Variants in PPIP5K2 observed in about 807,000 individuals in gnomAD.
The protein encoded by PPIP5K2 is inositol hexakisphosphate and diphosphoinositol-pentakisphosphate kinase 2.
PPIP5K2 carries 105 observed loss-of-function variants against 154.6 expected under a neutral mutation model. That is an observed-to-expected ratio of 0.68 (90% CI 0.58 to 0.80). The LOEUF (loss-of-function observed/expected upper bound fraction) is 0.80, where lower values mean the gene tolerates loss of function less well. Among genes scored for constraint, PPIP5K2 ranks in the 30% least tolerant of loss-of-function variants. The pLI is 0.00. For missense variants in PPIP5K2, 992 were observed against 1,504.6 expected (o/e 0.66, Z 5.64); for synonymous variants, 480 against 490.3 (o/e 0.98, Z 0.28).
intron 19 of PPIP5K2, among the ~76,000 whole-genome samples, chr5:103,172,059 A>G (rs1297869551): frequency 6.6e-6 from 1 of 151,656 alleles, no homozygotes; most frequent in African/African-American, 2.4e-5. Flanking sequence ...ATCTTTAATC[A>G]GTTTTTACCC....
chr5:103,192,448 T>C (rs1554227212), intron 29 of PPIP5K2, among the ~76,000 whole-genome samples: 1 of 152,058 alleles, frequency 6.6e-6, no homozygotes, highest in Non-Finnish European at 1.5e-5. Context: ...TGATGTTTCA[T>C]TGCTTCCCTG....
intron 26 of PPIP5K2, 55 bp from the exon 27 acceptor site, chr5:103,186,265 C>A: frequency 3.7e-6 from 6 of 1,608,290 alleles, no homozygotes; most frequent in South Asian, 1.1e-5. Flanking sequence ...GCATGAATTC[C>A]CAATGTGAAT....
At chr5:103,195,162 T>C (rs1801883387) in intron 30 of PPIP5K2, 137 bp downstream of exon 30, 1 of 1,088,164 alleles carries the variant, frequency 9.2e-7, no homozygotes, top group African/African-American at 1.6e-5. Context: ...GGGTTAAAAA[T>C]CGATTATTGT....
intron 7 of PPIP5K2, 36 bp from the exon 8 acceptor site, chr5:103,149,116 A>C: frequency 6.7e-7 from 1 of 1,495,416 alleles, no homozygotes; most frequent in Non-Finnish European, 9.1e-7. Flanking sequence ...ACACATACAT[A>C]TATATATTTA....
intron 3 of PPIP5K2, 34 bp from the exon 4 acceptor site, chr5:103,136,698 T>A: frequency 6.6e-7 from 1 of 1,517,232 alleles, no homozygotes; most frequent in Non-Finnish European, 9.2e-7. Flanking sequence ...TATCTTGAGA[T>A]AATACAGAAT....
In PPIP5K2 at chr5:103,129,292, T is replaced by G. The variant is rs1554201679; in HGVS notation, c.-284-14T>G. On this transcript the variant is annotated splice_polypyrimidine_tract_variant and intron_variant, in intron 1 of 30. Coordinates refer to ENST00000358359, the MANE Select transcript of PPIP5K2 (RefSeq NM_001276277.3). ...AGTGCACTCTCCAAAATTAGTTTTT[T>G]CATTGCATTTTAGGTAAGAAGATTG... 1 of 176,596 alleles carries G rather than the reference T, an allele frequency of 5.7e-6. No individual in the cohort carries two copies. Among genetic ancestry groups the G allele is most frequent in the Non-Finnish European group, 1.2e-5 (1 of 84,268 alleles). 10.9% of individuals were successfully genotyped at this position (176,596 alleles called of 1,614,324 possible). A position where few individuals can be genotyped will look rare whatever the true frequency, so the allele number is the denominator to read the frequency against.
Position 103,201,846 on chromosome 5 carries a change from C to T in PPIP5K2, c.*212C>T, listed in dbSNP as rs563564129. The T allele has an allele frequency of 5.4e-5, 26 of 485,018 alleles. No individual in the cohort carries two copies. Among genetic ancestry groups the T allele is most frequent in the African/African-American group, 1.4e-4 (7 of 49,744 alleles). 30.0% of individuals were successfully genotyped at this position (485,018 alleles called of 1,614,324 possible). A position where few individuals can be genotyped will look rare whatever the true frequency, so the allele number is the denominator to read the frequency against. ...CAGCAAAACTTATAGTGATAAAAAT[C>T]GATTGTTGTTAATATGATGTTTACC... On this transcript the variant is annotated 3_prime_UTR_variant, in exon 31 of 31. Transcript: ENST00000358359.
At chr5:103,125,130 A>T (rs1229843111) in intron 1 of PPIP5K2, among the ~76,000 whole-genome samples, 1 of 152,194 alleles carries the variant, frequency 6.6e-6, no homozygotes, top group African/African-American at 2.4e-5. Flanking sequence ...TTCCTATAGT[A>T]CTTGTTTTCA....
chr5:103,150,258 G>A (rs1421801344), intron 8 of PPIP5K2, among the ~76,000 whole-genome samples: 1 of 152,138 alleles, frequency 6.6e-6, no homozygotes, highest in African/African-American at 2.4e-5. Flanking sequence ...CTGTAAATAA[G>A]TTTTAATAGC....
At position 103,209,905 on chromosome 5, in the gene PPIP5K2, T is replaced by C. The variant is rs956918698; in HGVS notation, c.*8271T>C. 2.6e-5 allele frequency: 4 copies of C among 152,118 alleles called. No individual in the cohort carries two copies. Among genetic ancestry groups the C allele is most frequent in the Admixed American group, 1.3e-4 (2 of 15,254 alleles). The allele number at this position is 152,118 out of a possible 1,614,324, so 9.4% of individuals were successfully genotyped here. On this transcript the variant is annotated 3_prime_UTR_variant, in exon 31 of 31. Transcript: ENST00000358359. ...TTGGAAGTCATATCATTACGACTTT[T>C]TTTTCATGCCACATAGATATGCTGA...
chr5:103,120,928 C>A (rs1788572866), intron 1 of PPIP5K2: 1 of 159,034 alleles, frequency 6.3e-6, no homozygotes, highest in African/African-American at 2.4e-5. Flanking sequence ...ATAACAAAAG[C>A]CTCATGTGTT....
chr5:103,170,405 A>G (rs1797798673), intron 19 of PPIP5K2, among the ~76,000 whole-genome samples: 1 of 151,556 alleles, frequency 6.6e-6, no homozygotes, highest in African/African-American at 2.4e-5. Flanking sequence ...CTGAGAATTT[A>G]TTTGAAGACA....
At chr5:103,176,355 T>G (rs1176969105) in intron 21 of PPIP5K2, among the ~76,000 whole-genome samples, 1 of 152,004 alleles carries the variant, frequency 6.6e-6, no homozygotes, top group Non-Finnish European at 1.5e-5. Flanking sequence ...TTTAAACTCA[T>G]CATTTGTGCT....
chr5:103,201,429 G>GA (rs1220372137), intron 30 of PPIP5K2, 93 bp from the exon 31 acceptor site: 1 of 697,824 alleles, frequency 1.4e-6, no homozygotes, highest in African/African-American at 1.9e-5. Context: ...ATTATAACAA[G>GA]AATTGTTTTG....
rs1459771737 is a variant in PPIP5K2, at chr5:103,205,041, T to TC, written c.*3411dup. The TC allele has an allele frequency of 4.6e-5, 7 of 152,102 alleles. No homozygotes were observed. In the East Asian group the frequency reaches 1.4e-3, roughly 29 times the overall value. The allele number at this position is 152,102 out of a possible 1,614,324, so 9.4% of individuals were successfully genotyped here. The stretch of plus-strand genomic sequence containing the variant: ...CACTGACAGGCCCAGTGTGTGATGT[T>TC]CCCCGCCCTGTGTCCAAGTACTGTT... On this transcript the variant is annotated 3_prime_UTR_variant, in exon 31 of 31. Coordinates refer to ENST00000358359, the MANE Select transcript of PPIP5K2 (RefSeq NM_001276277.3).
At chr5:103,166,411 G>A (rs1392505160) in intron 17 of PPIP5K2, among the ~76,000 whole-genome samples, 1 of 151,920 alleles carries the variant, frequency 6.6e-6, no homozygotes, top group African/African-American at 2.4e-5. Context: ...TTGTCGTCCT[G>A]ATGTGGCTCC....
intron 30 of PPIP5K2, 54 bp from the exon 31 acceptor site, chr5:103,201,468 T>G: frequency 9.5e-7 from 1 of 1,050,594 alleles, no homozygotes; most frequent in Non-Finnish European, 1.4e-6. Flanking sequence ...TGAACTTGGA[T>G]TGTTTGTGTA....
Position 103,146,354 on chromosome 5 carries a change from C to T in PPIP5K2, c.488-173C>T, listed in dbSNP as rs537308406. Among the ~76,000 whole-genome samples the T allele has an allele frequency of 3.9e-5, 6 of 152,082 alleles. No homozygotes were observed. The East Asian group carries it at 1.2e-3, about 29-fold the overall frequency. ...CTATAGCTTTTAATGCCATACGTAT[C>T]ATAAATGTTGGCACATGTTATTTAC... is the stretch of plus-strand genomic sequence containing the variant. On this transcript the variant is annotated intron_variant, in intron 5 of 30. Transcript: ENST00000358359.
chr5:103,143,859 C>T (rs1428392099), intron 5 of PPIP5K2, among the ~76,000 whole-genome samples: 2 of 151,966 alleles, frequency 1.3e-5, no homozygotes, highest in African/African-American at 4.8e-5. Flanking sequence ...GAAAATATTT[C>T]CTCTAAGAAT....
Sources: gnomAD v4.1 joint callset for allele counts (sites outside exome capture counted in the v4.1 genomes callset) on GRCh38, gnomAD v4.1.1 for gene constraint, MANE v1.5 for transcripts, NCBI Gene and HGNC (gene_info 2026-07-23, HGNC 2026-07-21) for gene names.